SPATA13: variants seen among roughly 807,000 people sequenced by gnomAD.
The protein encoded by SPATA13 is spermatogenesis associated 13, also known as spermatogenesis-associated protein 13.
A neutral mutation model predicts 104.0 loss-of-function variants in SPATA13; 50 were observed. The observed-to-expected ratio is 0.48, with a 90% CI of 0.38 to 0.61. The LOEUF is 0.61. Among genes scored for constraint, SPATA13 ranks in the 20% least tolerant of loss-of-function variants. The probability of loss-of-function intolerance (pLI) is 0.00; values close to 1 mark genes in which losing one functional copy is unlikely to be tolerated. For synonymous variants in SPATA13, 606 were observed against 667.5 expected (o/e 0.91, Z 1.42); for missense variants, 1,524 against 1,690.6 (o/e 0.90, Z 1.73).
chr13:24,258,454 C>A lies in SPATA13; in HGVS notation c.2164+6592C>A, dbSNP rs144982780. 4.1e-3 allele frequency among the ~76,000 whole-genome samples: 618 copies of A among 151,510 alleles called. 9 individuals carry two copies. The highest frequency in any genetic ancestry group is 0.014 in the African/African-American group (571 of 41,252). Reference sequence around the variant, plus strand: ...GGCTGAGGTCGGCAGATCACTTGAGCCCACAAGTTTGAGACCAGCCTGGCC... The same window carrying A: ...GGCTGAGGTCGGCAGATCACTTGAGACCACAAGTTTGAGACCAGCCTGGCC... On this transcript the variant is annotated intron_variant, in intron 4 of 12. Coordinates refer to ENST00000382108, the MANE Select transcript of SPATA13 (RefSeq NM_001166271.3).
At chr13:23,981,760 A>G (rs1019252477) in intron 1 of SPATA13, among the ~76,000 whole-genome samples, 5 of 152,226 alleles carry the variant, frequency 3.3e-5, no homozygotes, top group African/African-American at 4.8e-5. Context: ...TCCAAAAGCC[A>G]CTGCTATGAC....
chr13:24,092,216 T>A (rs1566100303), intron 3 of SPATA13, among the ~76,000 whole-genome samples: 1 of 152,258 alleles, frequency 6.6e-6, no homozygotes, highest in Non-Finnish European at 1.5e-5. Context: ...TTAAAAGTGC[T>A]TTTGAGATTG....
chr13:24,223,194 CG>C lies in SPATA13; in HGVS notation c.267del (p.His91ThrfsTer27), dbSNP rs1420105783. The part of the protein sequence containing the change: ...SRKRTGAHPE[R>X]PHSMVLVGNS... ...GAAGAGGACGGGTGCCCACCCCGAG[CG>C]GCCCCACTCCATGGTCCTGGTGGGG... On this transcript the variant is annotated frameshift_variant, in exon 2 of 13. Transcript: ENST00000382108. LOFTEE classifies it high-confidence loss of function. 1 of 1,551,546 alleles carries C rather than the reference CG, an allele frequency of 6.4e-7. No homozygotes were observed. Among genetic ancestry groups the C allele is most frequent in the Non-Finnish European group, 8.7e-7 (1 of 1,147,010 alleles).
At chr13:24,207,561 C>CCA (rs10626783) in intron 1 of SPATA13, among the ~76,000 whole-genome samples, 102,138 of 151,618 alleles carry the variant, frequency 0.67, 34,654 homozygotes, top group South Asian at 0.83. Flanking sequence ...CACCCGGGTT[C>CCA]GTTTCTCCAC....
chr13:24,122,752 G>C, intron 3 of SPATA13: 1 of 832,640 alleles, frequency 1.2e-6, no homozygotes, highest in South Asian at 1.3e-5. Flanking sequence ...CCATCTTGCT[G>C]GAAGACTTCA....
chr13:24,041,475 T>C (rs1003009546), intron 3 of SPATA13, among the ~76,000 whole-genome samples: 1 of 152,244 alleles, frequency 6.6e-6, no homozygotes, highest in Admixed American at 6.5e-5. Context: ...GTGTGAAAGA[T>C]ATCGTCATAT....
Position 24,124,082 on chromosome 13 carries a change from G to A in SPATA13, c.-111-98737G>A, listed in dbSNP as rs181607821. Among the ~76,000 whole-genome samples the A allele has an allele frequency of 2.0e-4, 31 of 152,204 alleles. No individual in the cohort carries two copies. The East Asian group carries it at 5.6e-3, about 28-fold the overall frequency. The stretch of plus-strand genomic sequence containing the variant: ...GAAAGCAATGGGATTTGTCAGAATC[G>A]TCACCAGCTTCCTCTAAGCCTGGGC... On this transcript the variant is annotated intron_variant, in intron 3 of 14. Coordinates refer to the SPATA13 transcript ENST00000424834.
chr13:24,198,502 G>A (rs1870215355), intron 1 of SPATA13, among the ~76,000 whole-genome samples: 1 of 152,186 alleles, frequency 6.6e-6, no homozygotes. Context: ...TTCAGACGCA[G>A]TTAATAAAAT....
At chr13:24,016,891 C>T (rs1408387903) in intron 2 of SPATA13, among the ~76,000 whole-genome samples, 1 of 152,240 alleles carries the variant, frequency 6.6e-6, no homozygotes, top group Non-Finnish European at 1.5e-5. Context: ...CTGCCCCCGC[C>T]CAGGCTCATG....
At position 24,224,304 on chromosome 13, in the gene SPATA13, C is replaced by A; in HGVS notation, c.1375C>A (p.Gln459Lys). ...CAGCCAGTTGACATTTGACCCTGAG[C>A]AGCCTCCCACCCCTCTAAGGCCCAC... ...AGSQLTFDPE[Q>K]PPTPLRPTTP... Residue 459 changes from glutamine (Q) to lysine (K), a missense_variant, in exon 2 of 13, where the codon CAG (glutamine) becomes AAG (lysine). This residue lies in a region of SPATA13 where 1,089 missense variants were observed against 1,135.9 expected (regional missense o/e 0.96). Coordinates refer to ENST00000382108, the MANE Select transcript of SPATA13 (RefSeq NM_001166271.3). 6.4e-7 allele frequency: 1 copy of A among 1,551,770 alleles called. No homozygotes were observed. The highest frequency in any genetic ancestry group is 8.7e-7 in the Non-Finnish European group (1 of 1,147,016).
At chr13:24,039,844 C>T (rs1356902718) in intron 3 of SPATA13, among the ~76,000 whole-genome samples, 1 of 152,176 alleles carries the variant, frequency 6.6e-6, no homozygotes, top group Non-Finnish European at 1.5e-5. Flanking sequence ...ACATTTGCTC[C>T]AGGAAAGCAC....
chr13:24,048,606 G>A (rs1158912684), intron 3 of SPATA13, among the ~76,000 whole-genome samples: 1 of 151,622 alleles, frequency 6.6e-6, no homozygotes, highest in Admixed American at 6.6e-5. Flanking sequence ...AATTCAGTTA[G>A]GTTCTTGATG....
chr13:24,078,673 T>C (rs942675782), intron 3 of SPATA13, among the ~76,000 whole-genome samples: 1 of 152,216 alleles, frequency 6.6e-6, no homozygotes, highest in Non-Finnish European at 1.5e-5. Flanking sequence ...TAGGAAGCAG[T>C]TGTCGCCCTA....
In SPATA13 at chr13:24,251,744, T is replaced by C. The variant is rs909101372; in HGVS notation, c.2046T>C (p.Ala682=). 1 of 1,614,176 alleles carries C rather than the reference T, an allele frequency of 6.2e-7. No homozygotes were observed. ...TQPASRPPMP[A]HQVPPYKAVS... ...CGGCTTCCAGGCCGCCCATGCCTGC[T>C]CACCAGGTGCCACCCTACAAGGCTG... The change falls in exon 4 of 13, where the codon GCT becomes GCC. Residue 682 remains alanine, a synonymous_variant. Transcript: ENST00000382108.
rs1443200395 is a variant in SPATA13 at position 24,222,697 on chromosome 13, T to C, written c.-111-122T>C. On this transcript the variant is annotated intron_variant, in intron 1 of 12. Coordinates refer to ENST00000382108, the MANE Select transcript of SPATA13 (RefSeq NM_001166271.3). Reference sequence around the variant, plus strand: ...TGAATGGAGGGGAAATGTACAGTTTTAATTGAGTTTGAAGTAGCTTTCATC... The same window carrying C: ...TGAATGGAGGGGAAATGTACAGTTTCAATTGAGTTTGAAGTAGCTTTCATC... The C allele has an allele frequency of 7.8e-6, 6 of 771,160 alleles. No individual in the cohort carries two copies. In the South Asian group the frequency reaches 7.8e-5, roughly 10 times the overall value. The allele number at this position is 771,160 out of a possible 1,614,324, so 47.8% of individuals were successfully genotyped here.
At chr13:24,139,331 T>C (rs577227893) in intron 3 of SPATA13, among the ~76,000 whole-genome samples, 1 of 152,302 alleles carries the variant, frequency 6.6e-6, no homozygotes, top group East Asian at 1.9e-4. Flanking sequence ...AAGGTCCCAT[T>C]CACAGAGATT....
At chr13:24,170,643 C>A (rs202155612) in intron 1 of SPATA13, among the ~76,000 whole-genome samples, 1 of 146,892 alleles carries the variant, frequency 6.8e-6, no homozygotes, top group African/African-American at 2.5e-5. Context: ...GAACACCTGT[C>A]TCCTGAGATG....
Position 24,121,632 on chromosome 13 carries a change from A to T in SPATA13, c.-111-101187A>T, listed in dbSNP as rs1337074622. 3.3e-5 allele frequency among the ~76,000 whole-genome samples: 5 copies of T among 152,308 alleles called. No homozygotes were observed. In the East Asian group the frequency reaches 7.7e-4, roughly 24 times the overall value. On this transcript the variant is annotated intron_variant, in intron 3 of 14. Transcript: ENST00000424834. ...ATGGTGAGGAAGAGACAGAAATTGG[A>T]CAAATGCTCATAGGTGTAAAAATTA... is the stretch of plus-strand genomic sequence containing the variant.
At chr13:23,990,742 G>A (rs942878) in intron 2 of SPATA13, among the ~76,000 whole-genome samples, 1 of 151,964 alleles carries the variant, frequency 6.6e-6, no homozygotes, top group Admixed American at 6.5e-5. Flanking sequence ...CTTGTTTCCC[G>A]TGATCACCCA....
Sources: allele counts gnomAD v4.1 joint callset (sites outside exome capture counted in the v4.1 genomes callset), GRCh38; gene constraint gnomAD v4.1.1; regional missense constraint gnomAD v4.1.1; transcripts MANE v1.5; gene names NCBI Gene and HGNC (gene_info 2026-07-23, HGNC 2026-07-21).